The following NUP43 variants were observed in gnomAD, a reference collection of about 807,000 sequenced individuals.
NUP43 encodes nucleoporin Nup43.
In NUP43, 32 loss-of-function variants were observed where a neutral mutation model predicts 47.3. The observed-to-expected ratio is 0.68, with a 90% CI of 0.51 to 0.91. The LOEUF is 0.91. Ranked by LOEUF, NUP43 falls within the 40% of genes least tolerant of loss-of-function variation. The pLI, the probability that NUP43 is intolerant of heterozygous loss-of-function variation, is 0.00. For missense variants in NUP43, 444 were observed against 453.9 expected, an observed-to-expected ratio of 0.98 and a Z score of 0.20; for synonymous variants, 147 against 158.4, an observed-to-expected ratio of 0.93 and a Z score of 0.54.
chr6:149,738,611 T>C (rs368952695), intron 5 of NUP43, 32 bp downstream of exon 5: 5 of 1,477,594 alleles, frequency 3.4e-6, no homozygotes, highest in African/African-American at 1.4e-5. Context: ...AATTTGTGGA[T>C]TACATTACTG....
chr6:149,734,318 T>C (rs1785210437), intron 6 of NUP43, among the ~76,000 whole-genome samples: 1 of 148,520 alleles, frequency 6.7e-6, no homozygotes, highest in African/African-American at 2.5e-5. Flanking sequence ...GGCAACATAT[T>C]GAGACCCTGT....
chr6:149,745,733 A>G (rs1353090468), intron 2 of NUP43, among the ~76,000 whole-genome samples: 1 of 152,212 alleles, frequency 6.6e-6, no homozygotes, highest in Non-Finnish European at 1.5e-5. Flanking sequence ...GTCAATTAAT[A>G]AAAAAGTATG....
In NUP43 at chr6:149,746,150, CA is replaced by C. The variant is rs1785984371; in HGVS notation, c.121-89del. 4.9e-6 allele frequency: 7 copies of C among 1,437,080 alleles called. 1 individual carries two copies. The South Asian group carries it at 7.5e-5, about 15-fold the overall frequency. The allele number at this position is 1,437,080 out of a possible 1,614,324, so 89.0% of individuals were successfully genotyped here. A position where few individuals can be genotyped will look rare whatever the true frequency, so the allele number is the denominator to read the frequency against. ...GTGCTCCCGTCCGGAAATGTTGCTC[CA>C]AAACATCTCAAATGGTATGGTGAGT... On this transcript the variant is annotated intron_variant, in intron 1 of 7. Transcript: ENST00000340413.
chr6:149,743,765 G>A (rs1466190865), intron 2 of NUP43, 50 bp from the exon 3 acceptor site: 10 of 1,170,246 alleles, frequency 8.5e-6, no homozygotes, highest in African/African-American at 6.1e-5. Context: ...TTAGCAGGGA[G>A]GAAGTCCATT....
chr6:149,745,227 C>G (rs915113426), intron 2 of NUP43, among the ~76,000 whole-genome samples: 1 of 151,638 alleles, frequency 6.6e-6, no homozygotes. Flanking sequence ...GGTGAAACCC[C>G]GTCTCTATTA....
At chr6:149,742,092 T>C (rs1000086976) in intron 4 of NUP43, among the ~76,000 whole-genome samples, 1 of 151,722 alleles carries the variant, frequency 6.6e-6, no homozygotes, top group Non-Finnish European at 1.5e-5. Context: ...AATGGTGCGA[T>C]CTCTGCTCAC....
rs866277742 is a variant in NUP43 at position 149,726,364 on chromosome 6, C to G, written c.*605G>C. The stretch of plus-strand genomic sequence containing the variant: ...GAGGTTGCAGTGAGCCGAGATTGCA[C>G]CACCGCACTCCAGCAGAGCAAGACT... On this transcript the variant is annotated 3_prime_UTR_variant, in exon 8 of 8. Coordinates refer to ENST00000340413, the MANE Select transcript of NUP43 (RefSeq NM_198887.3). The G allele has an allele frequency of 6.8e-6, 1 of 147,056 alleles. No homozygotes were observed. Among genetic ancestry groups the G allele is most frequent in the South Asian group, 2.1e-4 (1 of 4,656 alleles). The allele number at this position is 147,056 out of a possible 1,614,324, so 9.1% of individuals were successfully genotyped here.
At chr6:149,732,308 G>A (rs894236992) in intron 6 of NUP43, among the ~76,000 whole-genome samples, 6 of 152,040 alleles carry the variant, frequency 3.9e-5, no homozygotes, top group Admixed American at 1.3e-4. Context: ...CACTTTGGGA[G>A]GCCAAGGTGG....
chr6:149,735,675 T>C (rs891289569), intron 6 of NUP43, among the ~76,000 whole-genome samples: 5 of 148,378 alleles, frequency 3.4e-5, no homozygotes, highest in African/African-American at 1.3e-4. Context: ...ATATAAGAAT[T>C]AAACCTGTGG....
chr6:149,739,359 T>A (rs574260666), intron 4 of NUP43, among the ~76,000 whole-genome samples: 2 of 152,274 alleles, frequency 1.3e-5, no homozygotes, highest in South Asian at 4.1e-4. Context: ...TACTCTGGGC[T>A]CACTACAACC....
rs774294372 is a variant in NUP43, at chr6:149,736,581, G to A, written c.680C>T (p.Pro227Leu). Residue 227 changes from proline to leucine, a missense_variant, in exon 6 of 8, where the codon CCC (proline) becomes CTC (leucine). Transcript: ENST00000340413. ...RVPLHCVDRHPNQQHVVATGG... is the reference protein window; with the variant it reads ...RVPLHCVDRHLNQQHVVATGG... ...AGTAGCTACAACATGCTGTTGGTTG[G>A]GATGTCTATCAACACAGTGGAGTGG... 1 of 1,609,276 alleles carries A rather than the reference G, an allele frequency of 6.2e-7. No individual in the cohort carries two copies. Among genetic ancestry groups the A allele is most frequent in the Admixed American group, 1.7e-5 (1 of 59,966 alleles).
rs763866272 is a variant in NUP43, at chr6:149,742,441, C to G, written c.451G>C (p.Gly151Arg). The G allele has an allele frequency of 6.2e-6, 10 of 1,614,046 alleles. No homozygotes were observed. The Admixed American group carries it at 1.3e-4, about 22-fold the overall frequency. ...TCAGCTCTGAAGAGATTTATTCGAC[C>G]ATCCTCTCCAACTGTAACGATTTCT... Reference protein sequence around the residue: ...NPEIVTVGEDGRINLFRADHK... With the variant: ...NPEIVTVGEDRRINLFRADHK... The change falls in exon 4 of 8, where the codon GGT becomes CGT. Residue 151 changes from glycine to arginine, a missense_variant. Transcript: ENST00000340413.
In NUP43 at chr6:149,731,754, T is replaced by C. The variant is rs781010768; in HGVS notation, c.791-19A>G. ...TCCCACACTAAGAGACAAGAATCAA[T>C]AAGCTCATTCCTGTGCAGATTCGCT... is the stretch of plus-strand genomic sequence containing the variant. On this transcript the variant is annotated intron_variant, in intron 6 of 7. Coordinates refer to ENST00000340413, the MANE Select transcript of NUP43 (RefSeq NM_198887.3). 21 of 1,612,736 alleles carry C rather than the reference T, an allele frequency of 1.3e-5. No individual in the cohort carries two copies. Among genetic ancestry groups the C allele is most frequent in the South Asian group, 4.4e-5 (4 of 90,906 alleles).
At chr6:149,744,134 T>G (rs902730954) in intron 2 of NUP43, among the ~76,000 whole-genome samples, 3 of 151,636 alleles carry the variant, frequency 2.0e-5, no homozygotes, top group African/African-American at 7.3e-5. Context: ...TGAGTTGGGG[T>G]TGTAGGGAAG....
rs1441660780 is a variant in NUP43, at chr6:149,727,084, G to C, written c.1028C>G (p.Thr343Arg). ...TDPAKDRIEI[T>R]SLLPSRSLSV... The stretch of plus-strand genomic sequence containing the variant: ...CAGAGACCTACTGGGAAGTAAGCTT[G>C]TGATTTCAATTCGGTCTTTTGCAGG... Residue 343 changes from threonine (T) to arginine (R), a missense_variant, in exon 8 of 8, where the codon ACA (threonine) becomes AGA (arginine). By Grantham distance (71) the Thr-to-Arg change is moderately conservative. Transcript: ENST00000340413. 8 of 1,614,010 alleles carry C rather than the reference G, an allele frequency of 5.0e-6. No homozygotes were observed. The South Asian group carries it at 8.8e-5, about 18-fold the overall frequency.
At chr6:149,733,726 A>G (rs1205541528) in intron 6 of NUP43, among the ~76,000 whole-genome samples, 4 of 152,062 alleles carry the variant, frequency 2.6e-5, no homozygotes, top group Non-Finnish European at 5.9e-5. Flanking sequence ...AATTACAGGC[A>G]TGAACTACCG....
intron 3 of NUP43, 94 bp downstream of exon 3, chr6:149,743,544 G>C: frequency 1.4e-6 from 1 of 719,060 alleles, no homozygotes; most frequent in Non-Finnish European, 2.3e-6. Flanking sequence ...GCGGTGAGCC[G>C]AGACTGCGCC....
intron 4 of NUP43, among the ~76,000 whole-genome samples, chr6:149,741,708 C>T (rs376651685): frequency 4.0e-5 from 6 of 151,866 alleles, no homozygotes; most frequent in South Asian, 4.1e-4. Context: ...ATTTTCACCA[C>T]GTTGGCCAGG....
At chr6:149,741,975 C>T (rs1206056821) in intron 4 of NUP43, among the ~76,000 whole-genome samples, 1 of 152,204 alleles carries the variant, frequency 6.6e-6, no homozygotes, top group Non-Finnish European at 1.5e-5. Flanking sequence ...TCTCCTGCCT[C>T]AGCCTCCTGA....
Sources: allele counts gnomAD v4.1 joint callset (sites outside exome capture counted in the v4.1 genomes callset), GRCh38; gene constraint gnomAD v4.1.1; transcripts MANE v1.5; gene names NCBI Gene and HGNC (gene_info 2026-07-23, HGNC 2026-07-21).